The following ZNF536 variants were observed in gnomAD, a reference collection of about 807,000 sequenced individuals.
ZNF536 encodes zinc finger protein 536.
In ZNF536, 13 loss-of-function variants were observed where a neutral mutation model predicts 84.5. That is an observed-to-expected ratio of 0.15 (90% CI 0.10 to 0.24). The LOEUF (loss-of-function observed/expected upper bound fraction) is 0.24, where lower values mean the gene tolerates loss of function less well. Ranked by LOEUF, ZNF536 falls within the 10% of genes least tolerant of loss-of-function variation. The pLI is 1.00. For synonymous variants in ZNF536, 811 were observed against 742.5 expected (o/e 1.09, Z -1.50); for missense variants, 1,536 against 1,747.5 (o/e 0.88, Z 2.16).
chr19:30,226,589 C>T (rs559091565), upstream of ZNF536, among the ~76,000 whole-genome samples: 166 of 152,164 alleles, frequency 1.1e-3, no homozygotes, highest in Middle Eastern at 0.017. This position sits in a 1 kb window ranked among gnomAD's most constrained non-coding sequence, Gnocchi z 4.6. Context: ...CAGGAAAGGC[C>T]GTGGCGCCTG....
intron 1 of ZNF536, among the ~76,000 whole-genome samples, chr19:30,600,464 G>A (rs771551872): frequency 9.9e-5 from 15 of 152,158 alleles, no homozygotes; most frequent in Non-Finnish European, 2.1e-4. Context: ...CAAGGCCAGA[G>A]CTAAGGAGAC....
At chr19:30,337,663 G>A (rs1408315423) in intron 2 of ZNF536, among the ~76,000 whole-genome samples, 1 of 152,152 alleles carries the variant, frequency 6.6e-6, no homozygotes, top group Non-Finnish European at 1.5e-5. Context: ...CCAGAGACAT[G>A]GCTATTAAAT....
chr19:30,411,256 C>A (rs1263609475), intron 1 of ZNF536, among the ~76,000 whole-genome samples: 1 of 152,078 alleles, frequency 6.6e-6, no homozygotes, highest in Non-Finnish European at 1.5e-5. Flanking sequence ...TACTTTTCTG[C>A]AGATAGTGTG....
intron 1 of ZNF536, among the ~76,000 whole-genome samples, chr19:30,411,571 A>G (rs922516089): frequency 1.3e-5 from 2 of 152,156 alleles, no homozygotes; most frequent in African/African-American, 4.8e-5. Context: ...CAATATGTTT[A>G]CTGATCAGTC....
At chr19:30,711,752 TC>T (rs1210111557) in exon 2 of ZNF536, 11 of 152,266 alleles carry the variant, frequency 7.2e-5, no homozygotes, top group African/African-American at 2.4e-4. Flanking sequence ...GGTAGCCTTT[TC>T]TTCTTTTTTA....
chr19:30,642,725 C>T (rs906725077), intron 1 of ZNF536, among the ~76,000 whole-genome samples: 5 of 152,056 alleles, frequency 3.3e-5, no homozygotes, highest in African/African-American at 7.2e-5. Flanking sequence ...TGCTGCAGAC[C>T]GGTTGTCCAG....
rs1432184323 is a variant in ZNF536 at position 30,534,786 on chromosome 19, T to C, written c.2171-61T>C. On this transcript the variant is annotated intron_variant, in intron 2 of 4. Coordinates refer to ENST00000355537, the MANE Select transcript of ZNF536 (RefSeq NM_014717.3). ...TAACTTTGTGTGGTGTTAGCAGTTTTGGTGCGAACAACTCCTGACATGTGC... is the reference window on the plus strand; with the variant it reads ...TAACTTTGTGTGGTGTTAGCAGTTTCGGTGCGAACAACTCCTGACATGTGC... The C allele has an allele frequency of 1.1e-5, 16 of 1,510,370 alleles. No individual in the cohort carries two copies. In the African/African-American group the frequency reaches 1.2e-4, roughly 12 times the overall value. The allele number at this position is 1,510,370 out of a possible 1,614,324, so 93.6% of individuals were successfully genotyped here. A position where few individuals can be genotyped will look rare whatever the true frequency, so the allele number is the denominator to read the frequency against.
chr19:30,296,465 G>T (rs7246298), intron 2 of ZNF536, among the ~76,000 whole-genome samples: 35,287 of 152,100 alleles, frequency 0.23, 4,990 homozygotes, highest in East Asian at 0.54. Flanking sequence ...GGGCAGGGAG[G>T]TTCCTCCTGG....
intron 1 of ZNF536, among the ~76,000 whole-genome samples, chr19:30,587,162 C>T (rs889125734): frequency 1.3e-5 from 2 of 152,178 alleles, no homozygotes; most frequent in Non-Finnish European, 2.9e-5. Flanking sequence ...GACTGAGAGA[C>T]ATAGCAGAAA....
chr19:30,702,061 G>A lies in ZNF536; in HGVS notation c.170-8696G>A, dbSNP rs560714630. Among the ~76,000 whole-genome samples, 14 of 152,286 alleles carry A rather than the reference G, an allele frequency of 9.2e-5. 1 individual carries two copies. The highest frequency in any genetic ancestry group is 3.4e-4 in the African/African-American group (14 of 41,556). On this transcript the variant is annotated intron_variant, in intron 1 of 1. Transcript: ENST00000592773. Reference sequence around the variant, plus strand: ...TGGAAAGTCTGGAAGCCCCATAGACGCAGCCCCCTCTCTTCCACAAAGCCA... The same window carrying A: ...TGGAAAGTCTGGAAGCCCCATAGACACAGCCCCCTCTCTTCCACAAAGCCA...
At chr19:30,670,088 C>T (rs2050486082) in intron 1 of ZNF536, among the ~76,000 whole-genome samples, 2 of 152,216 alleles carry the variant, frequency 1.3e-5, no homozygotes, top group Admixed American at 6.5e-5. Context: ...GCTTCTTAGC[C>T]TCTGGCGCAG....
chr19:30,540,431 G>A (rs182555799), intron 3 of ZNF536, among the ~76,000 whole-genome samples: 25 of 152,298 alleles, frequency 1.6e-4, no homozygotes, highest in Admixed American at 5.2e-4. Flanking sequence ...CCGCAGGGAT[G>A]GAGTAACGGC....
intron 1 of ZNF536, among the ~76,000 whole-genome samples, chr19:30,641,276 T>C (rs2049257654): frequency 6.6e-6 from 1 of 152,212 alleles, no homozygotes; most frequent in Non-Finnish European, 1.5e-5. Flanking sequence ...TTTTTTTCTG[T>C]TCTGATTATT....
At chr19:30,383,728 T>C (rs1457701197) in intron 1 of ZNF536, among the ~76,000 whole-genome samples, 5 of 24,146 alleles carry the variant, frequency 2.1e-4, no homozygotes, top group Non-Finnish European at 4.3e-4. Flanking sequence ...TCTTTCTTTC[T>C]TTCTTTCTTT....
intron 1 of ZNF536, among the ~76,000 whole-genome samples, chr19:30,710,594 T>TATGTGC (rs2052423810): frequency 6.6e-6 from 1 of 152,182 alleles, no homozygotes; most frequent in South Asian, 2.1e-4. Flanking sequence ...AATCTTAGCT[T>TATGTGC]ATGTGCCTGA....
In ZNF536 at chr19:30,437,894, G is replaced by A. The variant is rs377383399; in HGVS notation, c.-2-5667G>A. On this transcript the variant is annotated intron_variant, in intron 1 of 4. Coordinates refer to ENST00000355537, the MANE Select transcript of ZNF536 (RefSeq NM_014717.3). The stretch of plus-strand genomic sequence containing the variant: ...TGATCCTCTTCCTTATAGGTTTCAG[G>A]CTGGGGCAATGAACTGAAGGCCAGG... Among the ~76,000 whole-genome samples, 286 of 152,310 alleles carry A rather than the reference G, an allele frequency of 1.9e-3. 4 individuals are homozygous for A. Among genetic ancestry groups the A allele is most frequent in the African/African-American group, 6.4e-3 (268 of 41,558 alleles).
At chr19:30,604,523 C>T (rs1261608117) in intron 1 of ZNF536, among the ~76,000 whole-genome samples, 4 of 152,098 alleles carry the variant, frequency 2.6e-5, no homozygotes, top group African/African-American at 4.8e-5. Flanking sequence ...AGCTTTATGT[C>T]AGGAGTTTTT....
chr19:30,432,052 G>A (rs1240303459), intron 1 of ZNF536, among the ~76,000 whole-genome samples: 1 of 149,722 alleles, frequency 6.7e-6, no homozygotes, highest in Non-Finnish European at 1.5e-5. Flanking sequence ...CACAGAGAGA[G>A]AGAGTCAGAG....
At chr19:30,564,089 A>G (rs747068088) in intron 1 of ZNF536, among the ~76,000 whole-genome samples, 11 of 152,212 alleles carry the variant, frequency 7.2e-5, no homozygotes, top group Non-Finnish European at 1.2e-4. Flanking sequence ...AGAGAAATGC[A>G]TGAAGATAGA....
Sources: allele counts gnomAD v4.1 joint callset (sites outside exome capture counted in the v4.1 genomes callset), GRCh38; gene constraint gnomAD v4.1.1; non-coding constraint Gnocchi (gnomAD v3.1); transcripts MANE v1.5; gene names NCBI Gene and HGNC (gene_info 2026-07-23, HGNC 2026-07-21).